Variants in CTNNA2 observed in about 807,000 individuals in gnomAD.
The protein encoded by CTNNA2 is catenin alpha-2.
Under a neutral mutation model 101.0 loss-of-function variants are expected in CTNNA2, and 42 were observed. The observed-to-expected ratio is 0.42, with a 90% CI of 0.32 to 0.54. The LOEUF (loss-of-function observed/expected upper bound fraction) is 0.54. CTNNA2 is among the 20% of genes least tolerant of loss of function. The pLI is 0.14. For missense variants in CTNNA2, 871 were observed against 1,223.1 expected (o/e 0.71, Z 4.29); for synonymous variants, 450 against 456.4 (o/e 0.99, Z 0.18).
At chr2:79,843,837 C>T (rs1558573221) in intron 3 of CTNNA2, among the ~76,000 whole-genome samples, 1 of 152,108 alleles carries the variant, frequency 6.6e-6, no homozygotes, top group Non-Finnish European at 1.5e-5. Context: ...AACTCCAACT[C>T]CATAATGTGT....
At chr2:80,029,105 C>T (rs1333495639) in intron 7 of CTNNA2, among the ~76,000 whole-genome samples, 6 of 152,152 alleles carry the variant, frequency 3.9e-5, no homozygotes, top group African/African-American at 1.4e-4. Flanking sequence ...ATCTAGCCTT[C>T]CCAATTTATC....
At chr2:80,241,587 A>ATATCTATC (rs3067148) in intron 7 of CTNNA2, among the ~76,000 whole-genome samples, 28,841 of 148,244 alleles carry the variant, frequency 0.19, 2,929 homozygotes, top group African/African-American at 0.26. Flanking sequence ...TGCATCTATT[A>ATATCTATC]TATCTATCTA....
chr2:80,200,720 G>C (rs1204823130), intron 7 of CTNNA2, among the ~76,000 whole-genome samples: 1 of 152,064 alleles, frequency 6.6e-6, no homozygotes, highest in Non-Finnish European at 1.5e-5. Flanking sequence ...ATTTTTAGTA[G>C]AGATGGGGTT....
At chr2:79,901,891 T>G (rs1234347651) in intron 6 of CTNNA2, among the ~76,000 whole-genome samples, 1 of 152,218 alleles carries the variant, frequency 6.6e-6, no homozygotes, top group Non-Finnish European at 1.5e-5. Context: ...TCTTTCTCAA[T>G]TACAGCTGAG....
chr2:80,214,875 C>G (rs546342969), intron 7 of CTNNA2, among the ~76,000 whole-genome samples: 1 of 152,234 alleles, frequency 6.6e-6, no homozygotes, highest in Admixed American at 6.5e-5. Flanking sequence ...CTCCATTATC[C>G]CCGTCATTTT....
At chr2:79,480,111 G>A (rs1304051837) in intron 4 of CTNNA2, among the ~76,000 whole-genome samples, 1 of 152,034 alleles carries the variant, frequency 6.6e-6, no homozygotes, top group East Asian at 1.9e-4. Context: ...CTGGGAAAGA[G>A]GAGGCAAGAG....
chr2:79,673,947 A>G (rs1165470967), intron 2 of CTNNA2, among the ~76,000 whole-genome samples: 1 of 152,188 alleles, frequency 6.6e-6, no homozygotes, highest in Admixed American at 6.5e-5. Context: ...CAAACTATTT[A>G]TTGAACTTCA....
At chr2:79,870,834 A>G (rs1372648553) in intron 5 of CTNNA2, among the ~76,000 whole-genome samples, 4 of 152,078 alleles carry the variant, frequency 2.6e-5, no homozygotes, top group South Asian at 2.1e-4. Flanking sequence ...AACCACCCCT[A>G]TGATCCAGTC....
intron 7 of CTNNA2, among the ~76,000 whole-genome samples, chr2:80,287,270 TC>T (rs1674849836): frequency 6.6e-6 from 1 of 152,172 alleles, no homozygotes; most frequent in African/African-American, 2.4e-5. Flanking sequence ...GACTTAAGCA[TC>T]TTTTGGTTAT....
intron 7 of CTNNA2, among the ~76,000 whole-genome samples, chr2:80,019,481 G>A (rs1225264106): frequency 6.6e-6 from 1 of 152,212 alleles, no homozygotes; most frequent in Non-Finnish European, 1.5e-5. Context: ...GCATTTGCTA[G>A]CCCTAAAATA....
Position 80,303,314 on chromosome 2 carries a change from C to G in CTNNA2, c.1057-89897C>G. 3 of 1,613,724 alleles carry G rather than the reference C, an allele frequency of 1.9e-6. No individual in the cohort carries two copies. Among genetic ancestry groups the G allele is most frequent in the Non-Finnish European group, 2.5e-6 (3 of 1,180,040 alleles). ...GGGCACAAACTGGATGGCGTTGGCC[C>G]GCATATGCAGCGTGGTGAGCTTCCG... On this transcript the variant is annotated intron_variant, in intron 7 of 18. Transcript: ENST00000402739. This position sits in a 1 kb window ranked among gnomAD's most constrained non-coding sequence, Gnocchi z 7.7.
chr2:80,149,624 C>CGTAACT (rs1703565734), intron 7 of CTNNA2, among the ~76,000 whole-genome samples: 1 of 152,114 alleles, frequency 6.6e-6, no homozygotes, highest in African/African-American at 2.4e-5. Flanking sequence ...AGCATACTTA[C>CGTAACT]GTAACTGTAG....
chr2:79,575,143 G>C lies in CTNNA2; in HGVS notation c.-6+61936G>C, dbSNP rs77396700. The stretch of plus-strand genomic sequence containing the variant: ...TGTTGTACATGAATGCTGTTGGTGG[G>C]CTTCTGGCAAGCAGAATCCTATGAT... On this transcript the variant is annotated intron_variant, in intron 1 of 18. Coordinates refer to ENST00000402739, the MANE Select transcript of CTNNA2 (RefSeq NM_001282597.3). Among the ~76,000 whole-genome samples, 160 of 152,160 alleles carry C rather than the reference G, an allele frequency of 1.1e-3. 1 individual carries two copies. The highest frequency in any genetic ancestry group is 3.6e-3 in the African/African-American group (149 of 41,512).
At chr2:80,487,069 A>T (rs553053251) in intron 9 of CTNNA2, among the ~76,000 whole-genome samples, 1 of 151,968 alleles carries the variant, frequency 6.6e-6, no homozygotes, top group Non-Finnish European at 1.5e-5. Context: ...GTGGATCAGG[A>T]GGTCAGGAGT....
rs749614 is a variant in CTNNA2, at chr2:80,377,269, A to G, written c.1057-15942A>G. 1.1e-3 allele frequency among the ~76,000 whole-genome samples: 165 copies of G among 152,330 alleles called. 1 individual carries two copies. In the East Asian group the frequency reaches 0.022, roughly 20 times the overall value. ...CAATCCATCTGTCTTCCATTTATCCATAGTTCAGATTCTTGGCACTGTGCC... is the reference window on the plus strand; with the variant it reads ...CAATCCATCTGTCTTCCATTTATCCGTAGTTCAGATTCTTGGCACTGTGCC... On this transcript the variant is annotated intron_variant, in intron 7 of 18. Coordinates refer to ENST00000402739, the MANE Select transcript of CTNNA2 (RefSeq NM_001282597.3).
intron 9 of CTNNA2, among the ~76,000 whole-genome samples, chr2:80,440,786 C>T (rs1049977778): frequency 6.6e-6 from 1 of 152,110 alleles, no homozygotes; most frequent in Non-Finnish European, 1.5e-5. Context: ...CATAAAATTC[C>T]ACCCCATGAT....
At chr2:79,388,323 T>A (rs1355359024) in intron 4 of CTNNA2, among the ~76,000 whole-genome samples, 1 of 152,126 alleles carries the variant, frequency 6.6e-6, no homozygotes, top group African/African-American at 2.4e-5. Context: ...AATTAGTAAT[T>A]AATGGTCATC....
chr2:79,463,391 G>A (rs995779259), intron 4 of CTNNA2, among the ~76,000 whole-genome samples: 10 of 95,714 alleles, frequency 1.0e-4, no homozygotes, highest in Non-Finnish European at 1.9e-4. Flanking sequence ...GAGTGAGACT[G>A]TCTCAAAAAA....
chr2:79,270,171 T>C (rs116692534), intron 2 of CTNNA2, among the ~76,000 whole-genome samples: 2,008 of 152,172 alleles, frequency 0.013, 34 homozygotes, highest in African/African-American at 0.046. Flanking sequence ...AGGAAAAACA[T>C]TGAATTGGTC....
Sources: gnomAD v4.1 joint callset for allele counts (sites outside exome capture counted in the v4.1 genomes callset) on GRCh38, gnomAD v4.1.1 for gene constraint, Gnocchi (gnomAD v3.1) non-coding constraint, MANE v1.5 for transcripts, NCBI Gene and HGNC (gene_info 2026-07-23, HGNC 2026-07-21) for gene names.